The following TAF1 variants were observed in gnomAD, a reference collection of about 807,000 sequenced individuals.
The protein encoded by TAF1 is transcription initiation factor TFIID subunit 1.
A neutral mutation model predicts 138.5 loss-of-function variants in TAF1; 2 were observed. That is an observed-to-expected ratio of 0.01 (90% CI 0.01 to 0.05). The LOEUF (loss-of-function observed/expected upper bound fraction) is 0.05. TAF1 is among the 10% of genes least tolerant of loss of function. The pLI is 1.00. For missense variants in TAF1, 709 were observed against 1,478.0 expected (o/e 0.48, Z 8.53); for synonymous variants, 437 against 503.2 (o/e 0.87, Z 1.76).
chrX:71,410,589 CTG>C (rs2035732464), intron 28 of TAF1, among the ~76,000 whole-genome samples: 1 of 107,304 alleles, frequency 9.3e-6, no homozygotes, highest in Non-Finnish European at 1.9e-5. Flanking sequence ...TCCCGAGTAG[CTG>C]GGACTACAGG....
In TAF1 at chrX:71,423,104, T is replaced by C. The variant is rs750779208; in HGVS notation, c.4453-13T>C. Reference sequence around the variant, plus strand: ...GGAAACCTCTGTCTTGGCTTTGCTTTGTTTAATTTCAGAAAGAAGACAAAT... The same window carrying C: ...GGAAACCTCTGTCTTGGCTTTGCTTCGTTTAATTTCAGAAAGAAGACAAAT... On this transcript the variant is annotated splice_polypyrimidine_tract_variant and intron_variant, in intron 29 of 37. Coordinates refer to ENST00000423759, the MANE Select transcript of TAF1 (RefSeq NM_004606.5). The C allele has an allele frequency of 5.1e-5, 62 of 1,210,046 alleles. No individual in the cohort carries two copies. In the South Asian group the frequency reaches 9.7e-4, roughly 19 times the overall value.
intron 2 of TAF1, 84 bp downstream of exon 2, chrX:71,367,697 G>A (rs2032658142): frequency 9.5e-7 from 1 of 1,047,374 alleles, no homozygotes; most frequent in Admixed American, 2.8e-5. Context: ...GTAAGACGGA[G>A]TTTCGCTCTG....
chrX:71,379,146 G>A (rs1196479948), intron 8 of TAF1, 115 bp downstream of exon 8: 10 of 753,506 alleles, frequency 1.3e-5, no homozygotes, highest in South Asian at 5.8e-5. Flanking sequence ...ACAGAGTTTC[G>A]CTCTTGTTGC....
chrX:71,497,018 C>T (rs1433151752), intron 13 of TAF1, among the ~76,000 whole-genome samples: 1 of 112,297 alleles, frequency 8.9e-6, no homozygotes, highest in Admixed American at 9.5e-5. Context: ...TCTGTATACA[C>T]ATTTATTCTT....
At chrX:71,445,161 G>A (rs1032784608) in intron 32 of TAF1, among the ~76,000 whole-genome samples, 1 of 109,691 alleles carries the variant, frequency 9.1e-6, no homozygotes, top group Non-Finnish European at 1.9e-5. Context: ...TTAGGTGGGT[G>A]TGGTGGTGCA....
chrX:71,487,414 A>G (rs1453427413), intron 13 of TAF1, among the ~76,000 whole-genome samples: 1 of 96,225 alleles, frequency 1.0e-5, no homozygotes, highest in Admixed American at 1.3e-4. Flanking sequence ...AGCTCTGCCT[A>G]CTGGGTTCAA....
At chrX:71,451,722 T>G (rs2148788634) in intron 32 of TAF1, among the ~76,000 whole-genome samples, 1 of 110,268 alleles carries the variant, frequency 9.1e-6, no homozygotes, top group East Asian at 2.8e-4. Context: ...ACAAAGCACA[T>G]CTTGCACCGC....
chrX:71,387,820 C>A (rs2034322284), intron 15 of TAF1, among the ~76,000 whole-genome samples: 1 of 111,488 alleles, frequency 9.0e-6, no homozygotes, highest in Non-Finnish European at 1.9e-5. Flanking sequence ...GTAATCCCAG[C>A]TACTCAGGAG....
At chrX:71,367,821 C>T (rs1361951047) in intron 2 of TAF1, among the ~76,000 whole-genome samples, 2 of 111,530 alleles carry the variant, frequency 1.8e-5, no homozygotes, top group Non-Finnish European at 3.8e-5. Context: ...CAGGCACGCA[C>T]CACCACGCCC....
chrX:71,445,804 T>C (rs769410932), intron 32 of TAF1, among the ~76,000 whole-genome samples: 93 of 112,173 alleles, frequency 8.3e-4, no homozygotes, highest in African/African-American at 2.7e-3. Context: ...CTACATTCTT[T>C]TAAACTTATT....
At chrX:71,439,572 G>A (rs777602992) in intron 32 of TAF1, among the ~76,000 whole-genome samples, 20 of 111,893 alleles carry the variant, frequency 1.8e-4, no homozygotes, top group Non-Finnish European at 2.4e-4. Flanking sequence ...TTTCCCCAGA[G>A]ATAACAGCTT....
intron 13 of TAF1, among the ~76,000 whole-genome samples, chrX:71,503,296 GTGTATATATATATATATATATATA>G (rs1905105046): frequency 1.3e-5 from 1 of 78,088 alleles, no homozygotes; most frequent in African/African-American, 5.5e-5. Flanking sequence ...ATATATATAT[GTGTATATATATATATATATATATA>G]TGTGTGTGTA....
chrX:71,394,939 C>T (rs1017502950), intron 22 of TAF1, among the ~76,000 whole-genome samples: 3 of 112,422 alleles, frequency 2.7e-5, no homozygotes, highest in African/African-American at 6.4e-5. Context: ...CAAAGTGATC[C>T]GCCTGCCTCA....
chrX:71,443,740 C>CA, intron 32 of TAF1, among the ~76,000 whole-genome samples: 1 of 111,545 alleles, frequency 9.0e-6, no homozygotes, highest in South Asian at 3.7e-4. Context: ...GTTTTTGAGA[C>CA]AGAGTCTCAC....
intron 13 of TAF1, among the ~76,000 whole-genome samples, chrX:71,524,970 TG>T (rs1364758253): frequency 9.4e-6 from 1 of 106,369 alleles, no homozygotes; most frequent in Non-Finnish European, 1.9e-5. Context: ...AATTAATAAG[TG>T]GGGATACAGA....
At chrX:71,452,200 C>T (rs1376820421) in intron 32 of TAF1, among the ~76,000 whole-genome samples, 1 of 107,629 alleles carries the variant, frequency 9.3e-6, no homozygotes, top group Non-Finnish European at 1.9e-5. Context: ...GGCTGCCAGG[C>T]GGAGATGCTC....
chrX:71,424,105 A>G, intron 31 of TAF1, 39 bp downstream of exon 31: 1 of 1,200,011 alleles, frequency 8.3e-7, no homozygotes, highest in Non-Finnish European at 1.1e-6. Context: ...TTTTGTAATC[A>G]AGTGACTGTG....
intron 20 of TAF1, 117 bp from the exon 21 acceptor site, chrX:71,393,180 TCTAA>T (rs745369481): frequency 1.2e-4 from 132 of 1,091,760 alleles, no homozygotes; most frequent in Non-Finnish European, 1.5e-4. Flanking sequence ...TCTTTTTTGG[TCTAA>T]CTGTGTACAT....
intron 13 of TAF1, among the ~76,000 whole-genome samples, chrX:71,500,478 T>C (rs979362538): frequency 7.2e-5 from 8 of 110,756 alleles, no homozygotes; most frequent in Admixed American, 6.8e-4. Flanking sequence ...CCTGAGTGTT[T>C]CCTATCTGAA....
Sources: allele counts gnomAD v4.1 joint callset (sites outside exome capture counted in the v4.1 genomes callset), GRCh38; gene constraint gnomAD v4.1.1; transcripts MANE v1.5; gene names NCBI Gene and HGNC (gene_info 2026-07-23, HGNC 2026-07-21).